The following GABRB2 variants were observed in gnomAD, a reference collection of about 807,000 sequenced individuals.
GABRB2 encodes the protein gamma-aminobutyric acid type A receptor subunit beta2.
GABRB2 carries 16 observed loss-of-function variants against 54.7 expected under a neutral mutation model. The observed-to-expected ratio is 0.29, with a 90% CI of 0.20 to 0.44. GABRB2 has a LOEUF of 0.44. GABRB2 is among the 20% of genes least tolerant of loss of function. GABRB2 has a pLI of 1.00. For synonymous variants in GABRB2, 244 were observed against 233.8 expected (o/e 1.04, Z -0.40); for missense variants, 355 against 644.0 (o/e 0.55, Z 4.86).
intron 3 of GABRB2, among the ~76,000 whole-genome samples, chr5:161,474,532 C>T (rs2113306700): frequency 6.6e-6 from 1 of 152,044 alleles, no homozygotes; most frequent in East Asian, 1.9e-4. Context: ...AGAAACACAA[C>T]ATTGTATATA....
At chr5:161,505,185 A>G (rs370371417) in intron 3 of GABRB2, among the ~76,000 whole-genome samples, 4 of 151,050 alleles carry the variant, frequency 2.6e-5, no homozygotes, top group South Asian at 4.2e-4. Context: ...CTGGAGTCCA[A>G]TGGCACCATC....
rs141572880 is a variant in GABRB2, at chr5:161,433,830, T to A, written c.459-22773A>T. ...ATGATTCTCTGTTAATATTCAATAT[T>A]GAAAAATAATTTATAAAGTAATTAT... On this transcript the variant is annotated intron_variant, in intron 4 of 9. Transcript: ENST00000393959. 5.3e-5 allele frequency among the ~76,000 whole-genome samples: 8 copies of A among 152,262 alleles called. No homozygotes were observed. In the East Asian group the frequency reaches 1.5e-3, roughly 29 times the overall value.
At chr5:161,396,725 A>C (rs1196671430) in intron 5 of GABRB2, among the ~76,000 whole-genome samples, 1 of 152,216 alleles carries the variant, frequency 6.6e-6, no homozygotes, top group African/African-American at 2.4e-5. Context: ...GTATTTATAT[A>C]TCAAAATATC....
At chr5:161,497,389 A>G (rs1172951602) in intron 3 of GABRB2, among the ~76,000 whole-genome samples, 1 of 152,110 alleles carries the variant, frequency 6.6e-6, no homozygotes, top group Non-Finnish European at 1.5e-5. Context: ...CATTGAGCCT[A>G]TGGCATGAGG....
intron 9 of GABRB2, among the ~76,000 whole-genome samples, chr5:161,299,697 CTCTT>C (rs1272809399): frequency 6.6e-6 from 1 of 152,050 alleles, no homozygotes; most frequent in African/African-American, 2.4e-5. Context: ...GCTCCCTTCT[CTCTT>C]TCTTTCTTAA....
chr5:161,462,223 T>C (rs374421692), intron 3 of GABRB2, among the ~76,000 whole-genome samples: 1 of 152,162 alleles, frequency 6.6e-6, no homozygotes, highest in South Asian at 2.1e-4. Flanking sequence ...CTGGTTAGCA[T>C]TCTGGACTGT....
At chr5:161,314,521 T>C (rs1172264649) in intron 9 of GABRB2, among the ~76,000 whole-genome samples, 3 of 152,180 alleles carry the variant, frequency 2.0e-5, no homozygotes, top group African/African-American at 4.8e-5. Context: ...CCATAAAAAG[T>C]TCCTAATTTC....
chr5:161,385,349 T>C (rs1439026069), intron 5 of GABRB2, among the ~76,000 whole-genome samples: 1 of 152,196 alleles, frequency 6.6e-6, no homozygotes, highest in African/African-American at 2.4e-5. Context: ...CAAATTTCTC[T>C]CTCCTTGTTC....
At chr5:161,474,975 T>A (rs2962414) in intron 3 of GABRB2, among the ~76,000 whole-genome samples, 150,924 of 151,940 alleles carry the variant, frequency 0.99, 74,967 homozygotes, top group East Asian at 1. Flanking sequence ...GACCACCAAA[T>A]CTCATGTTGA....
chr5:161,300,679 G>C (rs1757510569), intron 9 of GABRB2, among the ~76,000 whole-genome samples: 1 of 152,114 alleles, frequency 6.6e-6, no homozygotes, highest in South Asian at 2.1e-4. Flanking sequence ...AAACAGGTCT[G>C]GTCTCCACTC....
chr5:161,437,951 C>T (rs1303513562), intron 4 of GABRB2, among the ~76,000 whole-genome samples: 1 of 152,168 alleles, frequency 6.6e-6, no homozygotes, highest in African/African-American at 2.4e-5. Flanking sequence ...ACTTCTGGAC[C>T]CACCTGGGGC....
rs568334152 is a variant in GABRB2, at chr5:161,310,946, G to A, written c.1191+15422C>T. Among the ~76,000 whole-genome samples, 9 of 152,158 alleles carry A rather than the reference G, an allele frequency of 5.9e-5. No homozygotes were observed. In the South Asian group the frequency reaches 1.9e-3, roughly 32 times the overall value. On this transcript the variant is annotated intron_variant, in intron 9 of 9. Transcript: ENST00000393959. The stretch of plus-strand genomic sequence containing the variant: ...CGGCTAATTTTTTGTATTTTTAGTA[G>A]AGACGGGGTTTCACCGTGTTAGCCA...
chr5:161,342,567 C>T (rs1338976174), intron 5 of GABRB2, among the ~76,000 whole-genome samples: 1 of 151,994 alleles, frequency 6.6e-6, no homozygotes, highest in Non-Finnish European at 1.5e-5. Context: ...TTTACTTACT[C>T]CTGGAATATT....
In GABRB2 at chr5:161,292,554, T is replaced by C. The variant is rs1757266697; in HGVS notation, c.*1527A>G. ...GCATAACTTAAAAATAGAAAAAAAA[T>C]ACATCATGCCTGCCTGATTAACAGT... is the stretch of plus-strand genomic sequence containing the variant. On this transcript the variant is annotated 3_prime_UTR_variant, in exon 10 of 10. Coordinates refer to ENST00000393959, the MANE Select transcript of GABRB2 (RefSeq NM_001371727.1). 6.6e-6 allele frequency: 1 copy of C among 152,080 alleles called. No homozygotes were observed. The highest frequency in any genetic ancestry group is 2.1e-4 in the South Asian group (1 of 4,816). The allele number at this position is 152,080 out of a possible 1,614,324, so 9.4% of individuals were successfully genotyped here.
chr5:161,526,256 G>T (rs1760276003), intron 3 of GABRB2, among the ~76,000 whole-genome samples: 1 of 151,342 alleles, frequency 6.6e-6, no homozygotes, highest in Non-Finnish European at 1.5e-5. Context: ...GTTCAAAATG[G>T]TCAAACCAAT....
chr5:161,394,418 T>C (rs888849180), intron 5 of GABRB2, among the ~76,000 whole-genome samples: 3 of 151,960 alleles, frequency 2.0e-5, no homozygotes, highest in Non-Finnish European at 4.4e-5. Context: ...AGTCAGAAGA[T>C]GATTCTTTGA....
chr5:161,376,697 A>G (rs1271636952), intron 5 of GABRB2, among the ~76,000 whole-genome samples: 1 of 152,162 alleles, frequency 6.6e-6, no homozygotes, highest in Non-Finnish European at 1.5e-5. Flanking sequence ...TCCCAGCCCA[A>G]CATTAACCAA....
chr5:161,363,265 A>G (rs1308125731), intron 5 of GABRB2, among the ~76,000 whole-genome samples: 1 of 152,166 alleles, frequency 6.6e-6, no homozygotes, highest in African/African-American at 2.4e-5. Context: ...ATTTTCAGCA[A>G]ACTAACACAA....
At chr5:161,491,800 T>C (rs1759098174) in intron 3 of GABRB2, among the ~76,000 whole-genome samples, 1 of 151,712 alleles carries the variant, frequency 6.6e-6, no homozygotes, top group Non-Finnish European at 1.5e-5. Context: ...GCATTCTGAA[T>C]TGCAAACACA....
Sources: allele counts gnomAD v4.1 joint callset (sites outside exome capture counted in the v4.1 genomes callset), GRCh38; gene constraint gnomAD v4.1.1; transcripts MANE v1.5; gene names NCBI Gene and HGNC (gene_info 2026-07-23, HGNC 2026-07-21).